Variants in NOSTRIN observed in about 807,000 individuals in gnomAD.
NOSTRIN encodes nitric oxide synthase trafficking.
In NOSTRIN, 63 loss-of-function variants were observed where a neutral mutation model predicts 59.0. The ratio of observed to expected loss-of-function variants is 1.07; its 90% CI spans 0.87 to 1.32. The LOEUF (loss-of-function observed/expected upper bound fraction) is 1.32. Among genes scored for constraint, NOSTRIN ranks in the 40% most tolerant of loss-of-function variants. NOSTRIN has a pLI of 0.00. For synonymous variants in NOSTRIN, 200 were observed against 165.4 expected (o/e 1.21, Z -1.61); for missense variants, 512 against 473.1 (o/e 1.08, Z -0.76).
chr2:168,800,412 G>A (rs545724744), upstream of NOSTRIN, among the ~76,000 whole-genome samples: 28 of 152,226 alleles, frequency 1.8e-4, no homozygotes, highest in South Asian at 2.1e-4. Flanking sequence ...ACATTCCTCC[G>A]AGAAGCTCAA....
Position 168,851,095 on chromosome 2 carries a change from G to A in NOSTRIN, c.642G>A (p.Glu214=), listed in dbSNP as rs111856325. Residue 214 remains glutamate (E), a synonymous_variant, in exon 9 of 16, where the codon GAG becomes GAA. Coordinates refer to ENST00000317647, the MANE Select transcript of NOSTRIN (RefSeq NM_001039724.4). The part of the protein sequence containing the change: ...TLENCYQSIL[E]LEKERIQLLC... Reference sequence around the variant, plus strand: ...TTCATTCTTTTCAGAGCATTCTGGAGCTGGAGAAGGAAAGAATTCAACTTT... The same window carrying A: ...TTCATTCTTTTCAGAGCATTCTGGAACTGGAGAAGGAAAGAATTCAACTTT... 3.3e-6 allele frequency: 5 copies of A among 1,516,738 alleles called. No homozygotes were observed. The highest frequency in any genetic ancestry group is 2.7e-5 in the African/African-American group (2 of 73,090). The allele number at this position is 1,516,738 out of a possible 1,614,324, so 94.0% of individuals were successfully genotyped here.
At chr2:168,849,918 A>ATTTTT (rs71297456) in intron 8 of NOSTRIN, among the ~76,000 whole-genome samples, 1,028 of 91,370 alleles carry the variant, frequency 0.011, 17 homozygotes, top group South Asian at 0.03. Flanking sequence ...ACATTTTCTC[A>ATTTTT]TTTTTTTTTT....
chr2:168,791,107 A>T (rs374896189), intron 2 of NOSTRIN, among the ~76,000 whole-genome samples: 2 of 152,036 alleles, frequency 1.3e-5, no homozygotes, highest in Admixed American at 6.6e-5. Flanking sequence ...TCATCATTTA[A>T]CATTAGGTAT....
At chr2:168,801,987 A>G (rs943052691), upstream of NOSTRIN, among the ~76,000 whole-genome samples, 3 of 152,064 alleles carry the variant, frequency 2.0e-5, no homozygotes, top group Non-Finnish European at 4.4e-5. Flanking sequence ...TGAACATTCT[A>G]TAGTTATAGT....
chr2:168,796,127 G>A (rs1235498931), upstream of NOSTRIN, among the ~76,000 whole-genome samples: 1 of 152,230 alleles, frequency 6.6e-6, no homozygotes, highest in Non-Finnish European at 1.5e-5. Context: ...AGGGTGATTG[G>A]TGGAAGTGAT....
chr2:168,847,548 CT>C (rs1688504641), intron 8 of NOSTRIN, among the ~76,000 whole-genome samples: 1 of 152,224 alleles, frequency 6.6e-6, no homozygotes, highest in African/African-American at 2.4e-5. Flanking sequence ...ATCCCTTTGA[CT>C]TCTTCCTGTA....
intron 15 of NOSTRIN, among the ~76,000 whole-genome samples, chr2:168,862,264 A>G (rs757384448): frequency 3.3e-5 from 5 of 152,188 alleles, no homozygotes; most frequent in Middle Eastern, 3.2e-3. Context: ...TTGCAGGCCT[A>G]TTGTCCAATT....
intron 11 of NOSTRIN, chr2:168,856,348 G>A (rs1442825210): frequency 3.6e-5 from 10 of 279,954 alleles, no homozygotes; most frequent in Admixed American, 9.8e-5. Flanking sequence ...AAGCCAAGGC[G>A]GGTGGATCAC....
chr2:168,834,627 T>G (rs977053181), intron 7 of NOSTRIN, among the ~76,000 whole-genome samples: 6 of 151,680 alleles, frequency 4.0e-5, no homozygotes, highest in African/African-American at 1.2e-4. Context: ...AGTCCTAGGC[T>G]CAAGGGATCC....
At chr2:168,860,686 A>C in intron 13 of NOSTRIN, 109 bp from the exon 14 acceptor site, 1 of 718,216 alleles carries the variant, frequency 1.4e-6, no homozygotes, top group Non-Finnish European at 2.3e-6. Context: ...AAAAAAGAAA[A>C]AACAAACAGA....
At chr2:168,859,420 C>G in intron 12 of NOSTRIN, 92 bp from the exon 13 acceptor site, 1 of 1,542,560 alleles carries the variant, frequency 6.5e-7, no homozygotes, top group Non-Finnish European at 8.8e-7. Flanking sequence ...CTTTTCTAAC[C>G]TTTGTTATTT....
At chr2:168,863,363 T>TC in intron 15 of NOSTRIN, 5 of 974,012 alleles carry the variant, frequency 5.1e-6, no homozygotes, top group Non-Finnish European at 6.1e-6. Flanking sequence ...AGTTAATAAT[T>TC]TCCTTTGTCT....
At chr2:168,799,400 A>G (rs1685560523), upstream of NOSTRIN, among the ~76,000 whole-genome samples, 1 of 152,164 alleles carries the variant, frequency 6.6e-6, no homozygotes, top group South Asian at 2.1e-4. Flanking sequence ...TCCTCCTCCC[A>G]AAGTCCCCTT....
At chr2:168,799,164 C>CCTG (rs1300455838), upstream of NOSTRIN, among the ~76,000 whole-genome samples, 1 of 152,134 alleles carries the variant, frequency 6.6e-6, no homozygotes, top group Non-Finnish European at 1.5e-5. Flanking sequence ...CCTACTTGTA[C>CCTG]CTGCTGCTAA....
upstream of NOSTRIN, among the ~76,000 whole-genome samples, chr2:168,797,271 A>AT (rs1685509500): frequency 2.0e-5 from 3 of 150,572 alleles, no homozygotes; most frequent in Admixed American, 6.6e-5. Context: ...TTTATTTTTT[A>AT]TTTTTGGTAG....
chr2:168,859,697 A>G, intron 13 of NOSTRIN, 60 bp downstream of exon 13: 2 of 1,582,288 alleles, frequency 1.3e-6, no homozygotes, highest in African/African-American at 1.4e-5. Flanking sequence ...GGAGTGGCTT[A>G]AAGTAGCATC....
rs967331463 is a variant in NOSTRIN at position 168,865,061 on chromosome 2, T to A, written c.*91T>A. The stretch of plus-strand genomic sequence containing the variant: ...ATAAAGTGCTCTTACCTTTACATGT[T>A]TTTCTTTTGAAATGGATGGAGTTCT... On this transcript the variant is annotated 3_prime_UTR_variant, in exon 16 of 16. Coordinates refer to ENST00000317647, the MANE Select transcript of NOSTRIN (RefSeq NM_001039724.4). 23 of 1,415,774 alleles carry A rather than the reference T, an allele frequency of 1.6e-5. No individual in the cohort carries two copies. In the African/African-American group the frequency reaches 3.1e-4, roughly 19 times the overall value. The allele number at this position is 1,415,774 out of a possible 1,614,324, so 87.7% of individuals were successfully genotyped here.
rs552249170 is a variant in NOSTRIN at position 168,820,788 on chromosome 2, C to T, written c.114-3846C>T. On this transcript the variant is annotated intron_variant, in intron 2 of 15. Transcript: ENST00000317647. The stretch of plus-strand genomic sequence containing the variant: ...CCTTTTTCATACCACCAAAGCCCAA[C>T]TTTTTTTTCCTCAAGTGGAATAAAC... Among the ~76,000 whole-genome samples the T allele has an allele frequency of 1.3e-4, 20 of 150,636 alleles. No individual in the cohort carries two copies. The East Asian group carries it at 3.9e-3, about 29-fold the overall frequency.
At chr2:168,794,766 T>C (rs1173994990), upstream of NOSTRIN, among the ~76,000 whole-genome samples, 1 of 151,866 alleles carries the variant, frequency 6.6e-6, no homozygotes, top group Non-Finnish European at 1.5e-5. Context: ...TAACATATAC[T>C]TTTTAAAAAA....
Sources: allele counts gnomAD v4.1 joint callset (sites outside exome capture counted in the v4.1 genomes callset), GRCh38; gene constraint gnomAD v4.1.1; transcripts MANE v1.5; gene names NCBI Gene and HGNC (gene_info 2026-07-23, HGNC 2026-07-21).